Variants in THSD7B observed in about 807,000 individuals in gnomAD.
THSD7B encodes the protein thrombospondin type-1 domain-containing protein 7B.
A neutral mutation model predicts 213.6 loss-of-function variants in THSD7B; 138 were observed. That is an observed-to-expected ratio of 0.65 (90% CI 0.56 to 0.74). The LOEUF (loss-of-function observed/expected upper bound fraction) is 0.74. THSD7B is among the 30% of genes least tolerant of loss of function. The pLI is 0.00. For synonymous variants in THSD7B, 742 were observed against 687.0 expected (o/e 1.08, Z -1.25); for missense variants, 1,931 against 1,991.5 (o/e 0.97, Z 0.58).
chr2:137,676,633 T>TCAA lies in THSD7B; in HGVS notation c.*30_*32dup, dbSNP rs796937273. On this transcript the variant is annotated 3_prime_UTR_variant, in exon 28 of 28. Transcript: ENST00000409968. ...TGAAAAAGAAATCCAAATGTAGACATCAACTGCCTTAACCGCTTTCTCTTT... is the reference window on the plus strand; with the variant it reads ...TGAAAAAGAAATCCAAATGTAGACATCAACAACTGCCTTAACCGCTTTCTCTTT... 8 of 1,529,918 alleles carry TCAA rather than the reference T, an allele frequency of 5.2e-6. No individual in the cohort carries two copies. The African/African-American group carries it at 1.1e-4, about 21-fold the overall frequency. 94.8% of individuals were successfully genotyped at this position (1,529,918 alleles called of 1,614,324 possible). A position where few individuals can be genotyped will look rare whatever the true frequency, so the allele number is the denominator to read the frequency against.
intron 2 of THSD7B, among the ~76,000 whole-genome samples, chr2:136,931,945 A>T (rs572391141): frequency 2.0e-5 from 3 of 152,200 alleles, no homozygotes; most frequent in Non-Finnish European, 4.4e-5. Context: ...AATAGTTCTG[A>T]TATTATTTCA....
intron 14 of THSD7B, among the ~76,000 whole-genome samples, chr2:137,426,071 T>G (rs533230732): frequency 6.6e-6 from 1 of 152,076 alleles, no homozygotes; most frequent in South Asian, 2.1e-4. Flanking sequence ...AAGAATACAA[T>G]CCCATTTACA....
chr2:136,821,133 G>GA (rs945754839), intron 1 of THSD7B, among the ~76,000 whole-genome samples: 6 of 152,112 alleles, frequency 3.9e-5, no homozygotes, highest in African/African-American at 1.4e-4. Flanking sequence ...ATGAAAATTA[G>GA]AAAAAAAGAA....
At position 137,143,340 on chromosome 2, in the gene THSD7B, G is replaced by T. The variant is rs183964959; in HGVS notation, c.1370-16873G>T. Among the ~76,000 whole-genome samples, 18 of 152,192 alleles carry T rather than the reference G, an allele frequency of 1.2e-4. No individual in the cohort carries two copies. The East Asian group carries it at 3.3e-3, about 28-fold the overall frequency. ...TAAGCCCATCAAAACGTGGAATCAC[G>T]CATTCTCTTCTCTGGGACTTTTTAA... On this transcript the variant is annotated intron_variant, in intron 5 of 27. Coordinates refer to ENST00000409968, the MANE Select transcript of THSD7B (RefSeq NM_001316349.2).
chr2:137,483,685 G>T (rs1439493525), intron 15 of THSD7B, among the ~76,000 whole-genome samples: 2 of 152,176 alleles, frequency 1.3e-5, no homozygotes, highest in East Asian at 3.9e-4. Flanking sequence ...AAGTAACAGT[G>T]GAGCTGAGCC....
intron 15 of THSD7B, among the ~76,000 whole-genome samples, chr2:137,553,364 C>A (rs1680887981): frequency 6.6e-6 from 1 of 152,120 alleles, no homozygotes; most frequent in African/African-American, 2.4e-5. Context: ...CTCTGACACA[C>A]ACAGTAAGAC....
intron 1 of THSD7B, among the ~76,000 whole-genome samples, chr2:136,837,654 C>T (rs1029860824): frequency 6.6e-5 from 10 of 152,130 alleles, no homozygotes; most frequent in Admixed American, 2.0e-4. Flanking sequence ...TCCATTTGGA[C>T]GTGGCATTGT....
chr2:137,380,963 C>A (rs1176434212), intron 12 of THSD7B, among the ~76,000 whole-genome samples: 1 of 152,250 alleles, frequency 6.6e-6, no homozygotes, highest in African/African-American at 2.4e-5. Context: ...GGTGTGTACC[C>A]AGGCTCACTC....
chr2:136,841,042 C>T (rs937847167), intron 1 of THSD7B, among the ~76,000 whole-genome samples: 1 of 152,090 alleles, frequency 6.6e-6, no homozygotes, highest in Non-Finnish European at 1.5e-5. Context: ...TTGCTGTGTG[C>T]TGAGTCCTTT....
intron 1 of THSD7B, among the ~76,000 whole-genome samples, chr2:136,815,423 A>C (rs1357417830): frequency 6.6e-6 from 1 of 152,188 alleles, no homozygotes; most frequent in Non-Finnish European, 1.5e-5. Context: ...AGACTCTGTT[A>C]AACTATACCC....
chr2:137,160,082 G>C lies in THSD7B; in HGVS notation c.1370-131G>C. 9.4e-6 allele frequency: 10 copies of C among 1,060,184 alleles called. No homozygotes were observed. The South Asian group carries it at 2.1e-4, about 22-fold the overall frequency. 65.7% of individuals were successfully genotyped at this position (1,060,184 alleles called of 1,614,324 possible). On this transcript the variant is annotated intron_variant, in intron 5 of 27. Transcript: ENST00000409968. The stretch of plus-strand genomic sequence containing the variant: ...TAAACAACACATATTAGAAAGTGTT[G>C]ATGTTTTCTTTGCATATGTTCTTTT...
intron 7 of THSD7B, among the ~76,000 whole-genome samples, chr2:137,194,748 A>G (rs1291688232): frequency 6.6e-6 from 1 of 152,122 alleles, no homozygotes; most frequent in Non-Finnish European, 1.5e-5. Context: ...CCTGAACACT[A>G]CTGATTTCTT....
At chr2:136,815,226 G>T (rs2104933325) in intron 1 of THSD7B, among the ~76,000 whole-genome samples, 1 of 152,274 alleles carries the variant, frequency 6.6e-6, no homozygotes, top group East Asian at 1.9e-4. Context: ...AATGGCTGTT[G>T]CTGCCTGTAT....
chr2:137,593,563 T>TA (rs57570460), intron 17 of THSD7B, among the ~76,000 whole-genome samples: 151,364 of 152,054 alleles, frequency 1, 75,343 homozygotes, highest in Middle Eastern at 1. Context: ...TATGGGTCAT[T>TA]AGATATCTTA....
intron 15 of THSD7B, among the ~76,000 whole-genome samples, chr2:137,487,755 T>C: frequency 9.0e-5 from 1 of 11,142 alleles, no homozygotes; most frequent in Non-Finnish European, 2.3e-4. Flanking sequence ...TTTTTTTTTT[T>C]TTTTTTTTTT....
At chr2:137,637,787 C>T (rs1460763107) in intron 20 of THSD7B, among the ~76,000 whole-genome samples, 1 of 152,108 alleles carries the variant, frequency 6.6e-6, no homozygotes, top group African/African-American at 2.4e-5. Flanking sequence ...CAATTCAAAA[C>T]AAGCCTGAAG....
chr2:137,468,116 A>G lies in THSD7B; in HGVS notation c.3138+17093A>G, dbSNP rs185061947. Reference sequence around the variant, plus strand: ...AACCTTCTGTAGACTATTGAAGTTGAAACACCTTTTAGTAATGCTTGTAAC... The same window carrying G: ...AACCTTCTGTAGACTATTGAAGTTGGAACACCTTTTAGTAATGCTTGTAAC... On this transcript the variant is annotated intron_variant, in intron 15 of 27. Transcript: ENST00000409968. Among the ~76,000 whole-genome samples the G allele has an allele frequency of 7.0e-4, 106 of 152,332 alleles. 1 individual carries two copies. The highest frequency in any genetic ancestry group is 2.4e-3 in the African/African-American group (101 of 41,584).
intron 12 of THSD7B, among the ~76,000 whole-genome samples, chr2:137,315,346 A>G (rs1573956180): frequency 6.6e-6 from 1 of 152,162 alleles, no homozygotes; most frequent in Non-Finnish European, 1.5e-5. Flanking sequence ...AAGTGAGGCA[A>G]TGCCTCGCCC....
chr2:137,521,631 A>G (rs1054051390), intron 15 of THSD7B, among the ~76,000 whole-genome samples: 1 of 152,168 alleles, frequency 6.6e-6, no homozygotes, highest in East Asian at 1.9e-4. Flanking sequence ...TTTGTTTTCT[A>G]TGATCAGAGC....
Sources: allele counts gnomAD v4.1 joint callset (sites outside exome capture counted in the v4.1 genomes callset), GRCh38; gene constraint gnomAD v4.1.1; transcripts MANE v1.5; gene names NCBI Gene and HGNC (gene_info 2026-07-23, HGNC 2026-07-21).